OTOA: variants seen among roughly 807,000 people sequenced by gnomAD.
The protein encoded by OTOA is cancer/testis antigen 108.
Under a neutral mutation model 110.8 loss-of-function variants are expected in OTOA, and 70 were observed. The observed-to-expected ratio is 0.63, with a 90% CI of 0.52 to 0.77. The LOEUF is 0.77. OTOA is among the 30% of genes least tolerant of loss of function. The pLI, the probability that OTOA is intolerant of heterozygous loss-of-function variation, is 0.00. For synonymous variants in OTOA, 373 were observed against 431.5 expected, an observed-to-expected ratio of 0.86 and a Z score of 1.68; for missense variants, 917 against 1,075.8, an observed-to-expected ratio of 0.85 and a Z score of 2.06.
intron 1 of OTOA, among the ~76,000 whole-genome samples, chr16:21,664,767 T>C (rs2141641204): frequency 6.6e-6 from 1 of 151,430 alleles, no homozygotes; most frequent in African/African-American, 2.4e-5. Context: ...AGGCCAGGAG[T>C]TCGAGACCAG....
intron 6 of OTOA, chr16:21,684,311 A>C: frequency 7.4e-7 from 1 of 1,343,152 alleles, no homozygotes; most frequent in Non-Finnish European, 9.6e-7. Flanking sequence ...CACACTGGGC[A>C]TGTCTGTTTA....
chr16:21,723,466 G>A (rs1346307487), intron 18 of OTOA, among the ~76,000 whole-genome samples: 2 of 149,572 alleles, frequency 1.3e-5, no homozygotes, highest in African/African-American at 4.9e-5. Flanking sequence ...AAAGTTCATT[G>A]AGTACTTGCT....
chr16:21,692,952 A>C (rs1897862548), intron 9 of OTOA, among the ~76,000 whole-genome samples: 1 of 149,112 alleles, frequency 6.7e-6, no homozygotes, highest in Non-Finnish European at 1.5e-5. Flanking sequence ...AAAAGAAAGA[A>C]AGAAAAGAAA....
intron 11 of OTOA, among the ~76,000 whole-genome samples, chr16:21,702,724 G>A (rs1379296668): frequency 6.6e-6 from 1 of 152,084 alleles, no homozygotes; most frequent in Admixed American, 6.6e-5. Context: ...TCGCCAGGCT[G>A]GAGTGCAGTA....
At chr16:21,667,156 A>T (rs1183855696) in intron 1 of OTOA, among the ~76,000 whole-genome samples, 1 of 152,172 alleles carries the variant, frequency 6.6e-6, no homozygotes, top group Non-Finnish European at 1.5e-5. Context: ...CACACCTACA[A>T]AGTGCTTTGG....
In OTOA at chr16:21,676,734, T is replaced by A. The variant is rs536101568; in HGVS notation, c.-4-1777T>A. ...TCCTCCTCTCCAAGTATTCTTCTTA[T>A]GGATTCTAGCTGCCTTGATTTCCCT... On this transcript the variant is annotated intron_variant, in intron 1 of 28. Coordinates refer to ENST00000646100, the MANE Select transcript of OTOA (RefSeq NM_144672.4). Among the ~76,000 whole-genome samples the A allele has an allele frequency of 7.9e-5, 12 of 152,352 alleles. No homozygotes were observed. In the South Asian group the frequency reaches 2.1e-3, roughly 26 times the overall value.
chr16:21,675,704 A>G (rs1966856441), intron 1 of OTOA, among the ~76,000 whole-genome samples: 2 of 151,846 alleles, frequency 1.3e-5, no homozygotes, highest in Admixed American at 1.3e-4. Flanking sequence ...TTATCTCTAG[A>G]AGTTCCTCTT....
At chr16:21,695,887 A>ATTTTTTTTTTTTTTTT (rs1205590889) in intron 9 of OTOA, among the ~76,000 whole-genome samples, 2 of 61,646 alleles carry the variant, frequency 3.2e-5, no homozygotes, top group African/African-American at 8.3e-5. Flanking sequence ...ATATATATAT[A>ATTTTTTTTTTTTTTTT]TATATTTTTT....
intron 1 of OTOA, among the ~76,000 whole-genome samples, chr16:21,671,182 T>G (rs1453802398): frequency 6.6e-6 from 1 of 152,148 alleles, no homozygotes; most frequent in Non-Finnish European, 1.5e-5. Context: ...AAGCCCTGTT[T>G]GAAGTGATTC....
intron 24 of OTOA, among the ~76,000 whole-genome samples, chr16:21,749,236 G>A (rs1372550126): frequency 1.5e-5 from 2 of 136,636 alleles, no homozygotes; most frequent in African/African-American, 2.5e-5. Flanking sequence ...AACATTAAAC[G>A]GAGATGGGGG....
intron 5 of OTOA, among the ~76,000 whole-genome samples, chr16:21,681,292 A>C (rs1966888071): frequency 6.6e-6 from 1 of 152,158 alleles, no homozygotes; most frequent in African/African-American, 2.4e-5. Context: ...TGCCTGGTTA[A>C]GAAATTTTTT....
intron 9 of OTOA, among the ~76,000 whole-genome samples, chr16:21,697,037 CTTTT>C (rs56124254): frequency 1.5e-5 from 1 of 65,034 alleles, no homozygotes; most frequent in Non-Finnish European, 2.6e-5. Context: ...CTACAGCTGG[CTTTT>C]TTTTTTTTTT....
intron 21 of OTOA, among the ~76,000 whole-genome samples, chr16:21,733,401 C>T (rs145500146): frequency 0.029 from 4,398 of 151,920 alleles, 112 homozygotes; most frequent in Admixed American, 0.077. Context: ...CAGCCCAGCC[C>T]GACTGAGTCA....
In OTOA at chr16:21,693,571, C is replaced by T. The variant is rs76214060; in HGVS notation, c.739+1884C>T. The stretch of plus-strand genomic sequence containing the variant: ...AACTTAGAAATTTAGATACTGGTAG[C>T]GGCTATGAAGAAAATAAAATAGTTT... On this transcript the variant is annotated intron_variant, in intron 9 of 28. Coordinates refer to ENST00000646100, the MANE Select transcript of OTOA (RefSeq NM_144672.4). Among the ~76,000 whole-genome samples, 1,170 of 152,010 alleles carry T rather than the reference C, an allele frequency of 7.7e-3. 31 individuals carry two copies. The highest frequency in any genetic ancestry group is 0.055 in the East Asian group (285 of 5,164).
chr16:21,702,147 G>C (rs907199824), intron 11 of OTOA, among the ~76,000 whole-genome samples: 1 of 151,824 alleles, frequency 6.6e-6, no homozygotes, highest in Non-Finnish European at 1.5e-5. Context: ...ACTGGGTTTC[G>C]CCATGTTGGC....
At chr16:21,721,076 G>T (rs1898719036) in intron 17 of OTOA, among the ~76,000 whole-genome samples, 2 of 151,396 alleles carry the variant, frequency 1.3e-5, no homozygotes, top group African/African-American at 4.9e-5. Context: ...CACCACACCT[G>T]GCTAATTTTT....
At chr16:21,675,163 CT>C (rs977058358) in intron 1 of OTOA, among the ~76,000 whole-genome samples, 5 of 127,752 alleles carry the variant, frequency 3.9e-5, no homozygotes, top group African/African-American at 5.7e-5. Context: ...CTCTCTCTCT[CT>C]TTTTTTTTTC....
At chr16:21,686,448 C>T (rs1037012628) in intron 7 of OTOA, among the ~76,000 whole-genome samples, 2 of 151,948 alleles carry the variant, frequency 1.3e-5, no homozygotes, top group Non-Finnish European at 2.9e-5. Context: ...ATTAGCACAC[C>T]CAGCTAATTT....
At chr16:21,691,745 G>A in intron 9 of OTOA, 58 bp downstream of exon 9, 1 of 1,413,452 alleles carries the variant, frequency 7.1e-7, no homozygotes, top group Non-Finnish European at 1.0e-6. Context: ...TTCAGAAGAG[G>A]TGTTTCATCT....
Sources: gnomAD v4.1 joint callset for allele counts (sites outside exome capture counted in the v4.1 genomes callset) on GRCh38, gnomAD v4.1.1 for gene constraint, MANE v1.5 for transcripts, NCBI Gene and HGNC (gene_info 2026-07-23, HGNC 2026-07-21) for gene names.